COL19A1: variants seen among roughly 807,000 people sequenced by gnomAD.
COL19A1 encodes the protein collagen type XIX alpha 1 chain, also known as collagen alpha-1(XIX) chain.
COL19A1 carries 159 observed loss-of-function variants against 190.2 expected under a neutral mutation model. That is an observed-to-expected ratio of 0.84 (90% CI 0.73 to 0.95). COL19A1 has a LOEUF of 0.95. Ranked by LOEUF, COL19A1 falls within the 40% of genes least tolerant of loss-of-function variation. The pLI is 0.00. For missense variants in COL19A1, 1,418 were observed against 1,431.9 expected (o/e 0.99, Z 0.16); for synonymous variants, 509 against 458.9 (o/e 1.11, Z -1.39).
At chr6:69,897,573 C>A (rs866834366) in intron 2 of COL19A1, among the ~76,000 whole-genome samples, 5 of 152,178 alleles carry the variant, frequency 3.3e-5, no homozygotes, top group Middle Eastern at 3.4e-3. Context: ...TTAAGTCTTG[C>A]ATTCTAAGCA....
At position 69,936,831 on chromosome 6, in the gene COL19A1, C is replaced by T. The variant is rs754069713; in HGVS notation, c.794C>T (p.Thr265Ile). The change falls in exon 8 of 51, where the codon ACT (threonine) becomes ATT (isoleucine). Residue 265 changes from threonine to isoleucine, a missense_variant. Transcript: ENST00000620364. ...GGAAATATTGCATCATCATGGGTAA[C>T]TGCTCATGCCAGTAAAATGTCTTCA... ...GFGNIASSWVTAHASKMSSYL... is the reference protein window; with the variant it reads ...GFGNIASSWVIAHASKMSSYL... 1 of 1,613,174 alleles carries T rather than the reference C, an allele frequency of 6.2e-7. No homozygotes were observed. Among genetic ancestry groups the T allele is most frequent in the African/African-American group, 1.3e-5 (1 of 74,984 alleles).
At chr6:70,026,794 C>T (rs1296082532) in intron 12 of COL19A1, among the ~76,000 whole-genome samples, 2 of 152,070 alleles carry the variant, frequency 1.3e-5, no homozygotes, top group Non-Finnish European at 2.9e-5. Flanking sequence ...TGATAGTATT[C>T]GTATTTTCAG....
chr6:69,924,323 A>G (rs965712317), intron 4 of COL19A1, among the ~76,000 whole-genome samples: 6 of 151,756 alleles, frequency 4.0e-5, no homozygotes, highest in African/African-American at 1.2e-4. Context: ...TCATTGTTCA[A>G]TTCCCGCCTA....
intron 18 of COL19A1, among the ~76,000 whole-genome samples, chr6:70,135,427 A>C (rs979949346): frequency 2.0e-5 from 3 of 152,168 alleles, no homozygotes; most frequent in South Asian, 2.1e-4. Flanking sequence ...GAAGCTACCT[A>C]GGGGCTGCCA....
chr6:69,938,762 G>T (rs1170181707), intron 9 of COL19A1, among the ~76,000 whole-genome samples: 3 of 151,960 alleles, frequency 2.0e-5, no homozygotes, highest in Non-Finnish European at 4.4e-5. Flanking sequence ...GTAATTCTAG[G>T]CTATATCCCA....
chr6:70,043,252 C>T (rs1193930040), intron 14 of COL19A1, among the ~76,000 whole-genome samples: 5 of 149,380 alleles, frequency 3.3e-5, no homozygotes, highest in African/African-American at 7.5e-5. Flanking sequence ...AGTGAAGTGG[C>T]GCGATCTCGG....
In COL19A1 at chr6:70,198,054, A is replaced by T. The variant is rs183132214; in HGVS notation, c.3095-1554A>T. Among the ~76,000 whole-genome samples, 93 of 152,358 alleles carry T rather than the reference A, an allele frequency of 6.1e-4. No homozygotes were observed. In the East Asian group the frequency reaches 0.017, roughly 27 times the overall value. On this transcript the variant is annotated intron_variant, in intron 48 of 50. Transcript: ENST00000620364. ...GAAGTAATTTACTCTTTATTTAAAA[A>T]TTTACATAAAATAAAAGATACATAT...
chr6:70,161,748 G>T, intron 34 of COL19A1, 152 bp from the exon 35 acceptor site: 1 of 525,866 alleles, frequency 1.9e-6, no homozygotes, highest in Non-Finnish European at 3.1e-6. Flanking sequence ...TAAAAAATTA[G>T]AATTAAAAAA....
At chr6:70,051,272 AC>A (rs1278428979) in intron 14 of COL19A1, among the ~76,000 whole-genome samples, 1 of 152,190 alleles carries the variant, frequency 6.6e-6, no homozygotes, top group Admixed American at 6.6e-5. Context: ...GATTAGACTT[AC>A]CAGTGTCAAG....
intron 14 of COL19A1, among the ~76,000 whole-genome samples, chr6:70,066,613 T>A (rs974875388): frequency 1.1e-4 from 16 of 151,590 alleles, no homozygotes; most frequent in South Asian, 4.2e-4. Flanking sequence ...TATATATATA[T>A]AAAAGAAAAT....
chr6:69,941,863 A>G (rs1403644640), intron 9 of COL19A1, among the ~76,000 whole-genome samples: 1 of 151,704 alleles, frequency 6.6e-6, no homozygotes, highest in East Asian at 1.9e-4. Flanking sequence ...TAATTTTTGT[A>G]TTTTTTGGTA....
rs530092006 is a variant in COL19A1, at chr6:70,103,351, A to G, written c.1278+1129A>G. On this transcript the variant is annotated intron_variant, in intron 16 of 50. Coordinates refer to ENST00000620364, the MANE Select transcript of COL19A1 (RefSeq NM_001858.6). ...TTGAAGTCATCTGAGAGCTGGTCTC[A>G]TTGCCTCTACCTTCTCCAAGTGGAG... Among the ~76,000 whole-genome samples, 8 of 152,268 alleles carry G rather than the reference A, an allele frequency of 5.3e-5. 1 individual carries two copies. Among genetic ancestry groups the G allele is most frequent in the African/African-American group, 1.9e-4 (8 of 41,544 alleles).
intron 14 of COL19A1, among the ~76,000 whole-genome samples, chr6:70,052,719 C>A (rs1444022969): frequency 6.6e-6 from 1 of 152,094 alleles, no homozygotes; most frequent in Non-Finnish European, 1.5e-5. Context: ...ATAATATTGA[C>A]CTGAATCCCC....
intron 2 of COL19A1, among the ~76,000 whole-genome samples, chr6:69,884,210 C>T (rs1408184107): frequency 6.6e-6 from 1 of 151,920 alleles, no homozygotes; most frequent in Non-Finnish European, 1.5e-5. Context: ...TGGCAGGCAC[C>T]TATAATCCCA....
intron 16 of COL19A1, among the ~76,000 whole-genome samples, chr6:70,116,072 G>T (rs1364728700): frequency 6.6e-6 from 1 of 151,842 alleles, no homozygotes; most frequent in Non-Finnish European, 1.5e-5. Context: ...GAACATTATT[G>T]ATTTTTTCCC....
intron 14 of COL19A1, among the ~76,000 whole-genome samples, chr6:70,056,744 A>G (rs548926660): frequency 6.6e-6 from 1 of 152,252 alleles, no homozygotes; most frequent in Non-Finnish European, 1.5e-5. Flanking sequence ...AGAAGTTAAA[A>G]AGAGACGATA....
At chr6:70,039,021 T>A (rs574877472) in intron 14 of COL19A1, among the ~76,000 whole-genome samples, 2 of 151,242 alleles carry the variant, frequency 1.3e-5, no homozygotes, top group African/African-American at 4.9e-5. Flanking sequence ...GCCACTGCAC[T>A]CCAGCCCAGC....
intron 15 of COL19A1, among the ~76,000 whole-genome samples, chr6:70,090,351 C>T (rs1257903894): frequency 6.6e-6 from 1 of 152,042 alleles, no homozygotes; most frequent in Non-Finnish European, 1.5e-5. Context: ...GGTCATTATT[C>T]CCCAAACATT....
chr6:70,109,168 A>G lies in COL19A1; in HGVS notation c.1278+6946A>G, dbSNP rs527740311. 6.6e-5 allele frequency among the ~76,000 whole-genome samples: 10 copies of G among 152,198 alleles called. No individual in the cohort carries two copies. The East Asian group carries it at 1.7e-3, about 26-fold the overall frequency. On this transcript the variant is annotated intron_variant, in intron 16 of 50. Coordinates refer to ENST00000620364, the MANE Select transcript of COL19A1 (RefSeq NM_001858.6). ...CAATTTCGGTTTAGAGTGAGGTGCT[A>G]TGGGGGGAATAAACTGGGTAATGTG...
Sources: allele counts gnomAD v4.1 joint callset (sites outside exome capture counted in the v4.1 genomes callset), GRCh38; gene constraint gnomAD v4.1.1; transcripts MANE v1.5; gene names NCBI Gene and HGNC (gene_info 2026-07-23, HGNC 2026-07-21).